GADL1: variants seen among roughly 807,000 people sequenced by gnomAD.
GADL1 encodes acidic amino acid decarboxylase GADL1.
Under a neutral mutation model 69.5 loss-of-function variants are expected in GADL1, and 71 were observed. The ratio of observed to expected loss-of-function variants is 1.02; its 90% CI spans 0.84 to 1.25. GADL1 has a LOEUF of 1.25. GADL1 is among the 50% of genes most tolerant of loss of function. GADL1 has a pLI of 0.00. For missense variants in GADL1, 737 were observed against 631.8 expected (o/e 1.17, Z -1.79); for synonymous variants, 254 against 214.4 (o/e 1.18, Z -1.62).
rs1173138239 is a variant in GADL1 at position 30,854,727 on chromosome 3, A to G, written c.400T>C (p.Phe134Leu). Reference sequence around the variant, plus strand: ...CTTGGATTCAATGCTTCGGTCATAAATCGGGCCACCAAGGAGTAATAATCA... The same window carrying G: ...CTTGGATTCAATGCTTCGGTCATAAGTCGGGCCACCAAGGAGTAATAATCA... ...GLDYYSLVAR[F>L]MTEALNPSVY... is the part of the protein sequence containing the mutation. Residue 134 changes from phenylalanine to leucine, a missense_variant, in exon 4 of 15, where the codon TTT (phenylalanine) becomes CTT (leucine). Physicochemically the swap from Phe to Leu is conservative, Grantham distance 22. Coordinates refer to ENST00000282538, the MANE Select transcript of GADL1 (RefSeq NM_207359.3). The G allele has an allele frequency of 6.5e-7, 1 of 1,549,842 alleles. No individual in the cohort carries two copies. Among genetic ancestry groups the G allele is most frequent in the South Asian group, 1.2e-5 (1 of 83,918 alleles).
At chr3:30,751,553 T>A (rs550715813) in intron 14 of GADL1, among the ~76,000 whole-genome samples, 1 of 151,314 alleles carries the variant, frequency 6.6e-6, no homozygotes, top group Non-Finnish European at 1.5e-5. Flanking sequence ...GCTGGAAATA[T>A]CTAGTAGACT....
At chr3:30,868,698 T>C (rs1467911764) in intron 1 of GADL1, among the ~76,000 whole-genome samples, 1 of 151,974 alleles carries the variant, frequency 6.6e-6, no homozygotes, top group African/African-American at 2.4e-5. Flanking sequence ...CGTTACACTG[T>C]TGGCTCAGGT....
chr3:30,867,433 T>TATATATACACATATATGTATATATATAC (rs1698419515), intron 1 of GADL1, among the ~76,000 whole-genome samples: 1 of 145,026 alleles, frequency 6.9e-6, no homozygotes, highest in African/African-American at 2.6e-5. Flanking sequence ...CATATATATA[T>TATATATACACATATATGTATATATATAC]ATATATACAC....
Position 30,778,204 on chromosome 3 carries a change from G to A in GADL1, c.1367C>T (p.Pro456Leu). 1.2e-6 allele frequency: 2 copies of A among 1,610,134 alleles called. No individual in the cohort carries two copies. The highest frequency in any genetic ancestry group is 1.3e-5 in the African/African-American group (1 of 74,792). Residue 456 changes from proline (P) to leucine (L), a missense_variant, in exon 14 of 15, where the codon CCC (proline) becomes CTC (leucine). Transcript: ENST00000282538. Reference protein sequence around the residue: ...PPSLREMEEGPEFWAKLNLVA... With the variant: ...PPSLREMEEGLEFWAKLNLVA... Reference sequence around the variant, plus strand: ...CAAATTAAGTTTTGCCCAGAACTCGGGTCCTTCTTCCATCTCTCTGAGGCT... The same window carrying A: ...CAAATTAAGTTTTGCCCAGAACTCGAGTCCTTCTTCCATCTCTCTGAGGCT...
chr3:30,773,192 TTTG>T lies in GADL1; in HGVS notation c.1392+4984_1392+4986del, dbSNP rs572418937. On this transcript the variant is annotated intron_variant, in intron 14 of 14. Coordinates refer to ENST00000282538, the MANE Select transcript of GADL1 (RefSeq NM_207359.3). The stretch of plus-strand genomic sequence containing the variant: ...CCTTAAAATTCATCCTTATAAAAAC[TTTG>T]TTGTTAAATCTACATGCTATATTTC... Among the ~76,000 whole-genome samples, 212 of 152,300 alleles carry T rather than the reference TTTG, an allele frequency of 1.4e-3. No individual in the cohort carries two copies. The South Asian group carries it at 0.018, about 13-fold the overall frequency.
At chr3:30,789,827 A>G (rs1329881477) in intron 12 of GADL1, among the ~76,000 whole-genome samples, 1 of 152,166 alleles carries the variant, frequency 6.6e-6, no homozygotes, top group African/African-American at 2.4e-5. Flanking sequence ...CTCAGCCTTC[A>G]TAGAACTGGA....
chr3:30,832,797 A>T (rs1443740374), intron 11 of GADL1, among the ~76,000 whole-genome samples: 1 of 152,064 alleles, frequency 6.6e-6, no homozygotes, highest in Non-Finnish European at 1.5e-5. Context: ...AAATTTAAAA[A>T]TTAAATGGTA....
chr3:30,790,764 C>A (rs1420425870), intron 12 of GADL1, among the ~76,000 whole-genome samples: 1 of 152,060 alleles, frequency 6.6e-6, no homozygotes, highest in Non-Finnish European at 1.5e-5. Context: ...TTTATATGTA[C>A]TATCTAAATG....
At chr3:30,815,837 CTTGTT>C (rs1697458302) in intron 11 of GADL1, among the ~76,000 whole-genome samples, 1 of 152,182 alleles carries the variant, frequency 6.6e-6, no homozygotes, top group South Asian at 2.1e-4. Flanking sequence ...TACCTGCCAT[CTTGTT>C]TTAGGCACAC....
intron 11 of GADL1, among the ~76,000 whole-genome samples, chr3:30,822,219 G>C (rs923452099): frequency 1.3e-5 from 2 of 152,050 alleles, no homozygotes; most frequent in Non-Finnish European, 2.9e-5. Flanking sequence ...GAAGAAGACA[G>C]GTTTAGCTTC....
chr3:30,739,365 C>T lies in GADL1; in HGVS notation c.1393-10950G>A, dbSNP rs1365215368. 2.6e-5 allele frequency among the ~76,000 whole-genome samples: 4 copies of T among 152,074 alleles called. No homozygotes were observed. The East Asian group carries it at 7.7e-4, about 29-fold the overall frequency. ...TCCTCCTGTGTGACTATCTACCTGCCCCCACCTGCCTGTGCCCACCTGCCT... is the reference window on the plus strand; with the variant it reads ...TCCTCCTGTGTGACTATCTACCTGCTCCCACCTGCCTGTGCCCACCTGCCT... On this transcript the variant is annotated intron_variant, in intron 14 of 14. Coordinates refer to ENST00000282538, the MANE Select transcript of GADL1 (RefSeq NM_207359.3).
intron 1 of GADL1, among the ~76,000 whole-genome samples, chr3:30,863,375 G>A (rs11920600): frequency 0.027 from 4,058 of 152,026 alleles, 172 homozygotes; most frequent in African/African-American, 0.09. Context: ...AAAAGGATGA[G>A]ACGGAACATG....
intron 6 of GADL1, 94 bp from the exon 7 acceptor site, chr3:30,844,560 G>A (rs1300316097): frequency 1.2e-6 from 1 of 842,920 alleles, no homozygotes; most frequent in Non-Finnish European, 2.0e-6. Flanking sequence ...AAGTATGGCT[G>A]AGCACAATCT....
intron 11 of GADL1, among the ~76,000 whole-genome samples, chr3:30,806,219 A>T (rs1314210452): frequency 3.3e-5 from 5 of 152,166 alleles, no homozygotes; most frequent in Admixed American, 1.3e-4. Context: ...TGCAAAAAAA[A>T]TGGTCTAAAT....
At chr3:30,794,401 C>A (rs1273681466) in intron 12 of GADL1, among the ~76,000 whole-genome samples, 2 of 152,044 alleles carry the variant, frequency 1.3e-5, no homozygotes, top group Admixed American at 1.3e-4. Context: ...CTAGAAGGTG[C>A]CCTCAGCAAC....
chr3:30,769,753 C>G (rs974959607), intron 14 of GADL1, among the ~76,000 whole-genome samples: 2 of 152,184 alleles, frequency 1.3e-5, no homozygotes, highest in Non-Finnish European at 2.9e-5. Context: ...AAAACACCCA[C>G]TACTTGACAG....
chr3:30,770,711 C>G (rs1309948167), intron 14 of GADL1, among the ~76,000 whole-genome samples: 1 of 152,168 alleles, frequency 6.6e-6, no homozygotes, highest in Non-Finnish European at 1.5e-5. Context: ...TGAGCTCAGC[C>G]TCAGCCTGCA....
chr3:30,839,211 A>G (rs774117761), intron 8 of GADL1, 98 bp from the exon 9 acceptor site: 1 of 754,172 alleles, frequency 1.3e-6, no homozygotes, highest in Non-Finnish European at 2.0e-6. Context: ...CCAGAGAGTT[A>G]TTTGGGTTTT....
intron 13 of GADL1, among the ~76,000 whole-genome samples, chr3:30,783,140 CTA>C (rs1022786860): frequency 6.6e-6 from 1 of 152,276 alleles, no homozygotes; most frequent in South Asian, 2.1e-4. Flanking sequence ...AGGAAGTTGA[CTA>C]TATGTCCTCG....
Sources: gnomAD v4.1 joint callset for allele counts (sites outside exome capture counted in the v4.1 genomes callset) on GRCh38, gnomAD v4.1.1 for gene constraint, MANE v1.5 for transcripts, NCBI Gene and HGNC (gene_info 2026-07-23, HGNC 2026-07-21) for gene names.